ANKS1B: variants seen among roughly 807,000 people sequenced by gnomAD.
ANKS1B encodes ankyrin repeat and sterile alpha motif domain-containing protein 1B.
Under a neutral mutation model 148.3 loss-of-function variants are expected in ANKS1B, and 36 were observed. The observed-to-expected ratio is 0.24, with a 90% confidence interval of 0.19 to 0.32. ANKS1B has a LOEUF of 0.32. ANKS1B is among the 10% of genes least tolerant of loss of function. The pLI is 1.00. For synonymous variants in ANKS1B, 542 were observed against 560.8 expected, an observed-to-expected ratio of 0.97 and a Z score of 0.47; for missense variants, 1,157 against 1,542.6, an observed-to-expected ratio of 0.75 and a Z score of 4.19.
chr12:99,857,825 A>ATTCTC (rs2089414933), intron 1 of ANKS1B, among the ~76,000 whole-genome samples: 1 of 152,154 alleles, frequency 6.6e-6, no homozygotes, highest in African/African-American at 2.4e-5. Context: ...GGGATAATTG[A>ATTCTC]CTAGCCACAT....
At chr12:99,753,023 C>T (rs912268274) in intron 8 of ANKS1B, among the ~76,000 whole-genome samples, 1 of 152,010 alleles carries the variant, frequency 6.6e-6, no homozygotes, top group African/African-American at 2.4e-5. Context: ...TGTTAAACTG[C>T]ATGATTATAT....
chr12:99,718,041 C>G (rs2057603804), intron 8 of ANKS1B, among the ~76,000 whole-genome samples: 1 of 151,024 alleles, frequency 6.6e-6, no homozygotes, highest in South Asian at 2.1e-4. Context: ...GTAGCTGGGA[C>G]TACAGGCGCC....
At chr12:98,946,565 T>C (rs1050857685) in intron 17 of ANKS1B, among the ~76,000 whole-genome samples, 1 of 151,880 alleles carries the variant, frequency 6.6e-6, no homozygotes, top group Admixed American at 6.6e-5. Context: ...AAGAACAAGA[T>C]AAAGAACTAG....
chr12:99,444,340 T>C (rs994049457), intron 10 of ANKS1B, among the ~76,000 whole-genome samples: 1 of 151,930 alleles, frequency 6.6e-6, no homozygotes, highest in Non-Finnish European at 1.5e-5. Flanking sequence ...CTGAAATTTG[T>C]GCAAAATGGT....
At position 99,984,369 on chromosome 12, in the gene ANKS1B, T is replaced by G; in HGVS notation, c.-132A>C. 4.7e-5 allele frequency: 19 copies of G among 401,118 alleles called. No homozygotes were observed. Among genetic ancestry groups the G allele is most frequent in the East Asian group, 1.5e-4 (2 of 13,632 alleles). 24.8% of individuals were successfully genotyped at this position (401,118 alleles called of 1,614,324 possible). A position where few individuals can be genotyped will look rare whatever the true frequency, so the allele number is the denominator to read the frequency against. ...ATGCAAGAGCTTCAGCACGGAGAGC[T>G]CCCTGCAGCCCCAGGCAGGGAGCAC... is the stretch of plus-strand genomic sequence containing the variant. On this transcript the variant is annotated 5_prime_UTR_variant, in exon 1 of 27. Transcript: ENST00000683438.
chr12:99,983,129 T>A (rs2095730587), intron 1 of ANKS1B, among the ~76,000 whole-genome samples: 1 of 152,206 alleles, frequency 6.6e-6, no homozygotes, highest in African/African-American at 2.4e-5. Context: ...GGCGAAGATA[T>A]GAATGACAAT....
chr12:98,924,459 A>G (rs892033121), intron 17 of ANKS1B, among the ~76,000 whole-genome samples: 1 of 152,080 alleles, frequency 6.6e-6, no homozygotes, highest in Non-Finnish European at 1.5e-5. Context: ...TTGAAAATAC[A>G]TTCTAACTCT....
intron 9 of ANKS1B, among the ~76,000 whole-genome samples, chr12:99,518,036 T>C (rs1442863561): frequency 6.6e-6 from 1 of 152,214 alleles, no homozygotes. Flanking sequence ...GATTTGCATA[T>C]GTTGAACCAT....
intron 14 of ANKS1B, among the ~76,000 whole-genome samples, chr12:99,190,473 T>G (rs1601547890): frequency 6.6e-6 from 1 of 152,172 alleles, no homozygotes; most frequent in Non-Finnish European, 1.5e-5. Flanking sequence ...CAAAACAGCA[T>G]GATATTGTTA....
At chr12:99,420,760 G>A (rs1459765581) in intron 11 of ANKS1B, among the ~76,000 whole-genome samples, 1 of 152,124 alleles carries the variant, frequency 6.6e-6, no homozygotes, top group African/African-American at 2.4e-5. Flanking sequence ...GTTATGATTT[G>A]TATGTAAATT....
intron 9 of ANKS1B, among the ~76,000 whole-genome samples, chr12:99,575,629 G>T (rs1018510950): frequency 1.3e-5 from 2 of 151,982 alleles, no homozygotes; most frequent in African/African-American, 4.8e-5. Flanking sequence ...ATCAGATCTC[G>T]TGAGACTTAT....
intron 17 of ANKS1B, among the ~76,000 whole-genome samples, chr12:99,014,479 G>A (rs2099941261): frequency 6.6e-6 from 1 of 152,100 alleles, no homozygotes; most frequent in East Asian, 1.9e-4. Flanking sequence ...ATTTCATGAT[G>A]AAGATGTCAA....
At chr12:99,575,276 G>A (rs58363755) in intron 9 of ANKS1B, among the ~76,000 whole-genome samples, 8,794 of 152,014 alleles carry the variant, frequency 0.058, 632 homozygotes, top group African/African-American at 0.16. Flanking sequence ...CAAGAATTTC[G>A]TATCCATACA....
chr12:99,330,381 A>C (rs1489217889), intron 12 of ANKS1B, among the ~76,000 whole-genome samples: 1 of 151,892 alleles, frequency 6.6e-6, no homozygotes, highest in Admixed American at 6.6e-5. Context: ...AGTGCCAGGA[A>C]ATGCAGTTTA....
At chr12:99,894,571 C>T (rs1480141836) in intron 1 of ANKS1B, among the ~76,000 whole-genome samples, 1 of 135,672 alleles carries the variant, frequency 7.4e-6, no homozygotes, top group African/African-American at 2.6e-5. Flanking sequence ...GTTCAACTTA[C>T]AATTTTTCAA....
chr12:98,741,127 G>C (rs758397091), downstream of ANKS1B, among the ~76,000 whole-genome samples: 4 of 152,148 alleles, frequency 2.6e-5, no homozygotes, highest in African/African-American at 9.7e-5. Flanking sequence ...GTTATTGCTG[G>C]TCTTTGCTAC....
At position 99,984,119 on chromosome 12, in the gene ANKS1B, A is replaced by G; in HGVS notation, c.119T>C (p.Leu40Pro). 6.2e-7 allele frequency: 1 copy of G among 1,613,304 alleles called. No individual in the cohort carries two copies. The highest frequency in any genetic ancestry group is 8.5e-7 in the Non-Finnish European group (1 of 1,179,492). Residue 40 changes from leucine to proline, a missense_variant, in exon 1 of 27, where the codon CTG becomes CCG. Physicochemically the swap from Leu to Pro is moderately conservative, Grantham distance 98. This residue lies in a region of ANKS1B where 164 missense variants were observed against 232.6 expected (regional missense o/e 0.71). Transcript: ENST00000683438. ...CCGTCCTTACCTTAGCAGATTAGAC[A>G]GGGGCAGGGGTCCGGATCCACCGCC... ...ILGGGSGPLP[L>P]SNLLSIWRGP...
intron 17 of ANKS1B, among the ~76,000 whole-genome samples, chr12:98,990,575 A>AC (rs1426711480): frequency 9.2e-4 from 140 of 152,124 alleles, no homozygotes; most frequent in African/African-American, 3.2e-3. Context: ...AGAAAAAAAA[A>AC]AAAACACTAA....
intron 17 of ANKS1B, among the ~76,000 whole-genome samples, chr12:98,898,823 A>G (rs2099768361): frequency 1.3e-5 from 2 of 152,202 alleles, no homozygotes; most frequent in Non-Finnish European, 2.9e-5. Flanking sequence ...CTCTTATGGT[A>G]CCAATTTCTG....
Sources: gnomAD v4.1 joint callset for allele counts (sites outside exome capture counted in the v4.1 genomes callset) on GRCh38, gnomAD v4.1.1 for gene constraint, gnomAD v4.1.1 regional missense constraint, MANE v1.5 for transcripts, NCBI Gene and HGNC (gene_info 2026-07-23, HGNC 2026-07-21) for gene names.